Variants in PIWIL4 observed in about 807,000 individuals in gnomAD.
The protein encoded by PIWIL4 is piwi like RNA-mediated gene silencing 4, also known as piwi-like protein 4.
PIWIL4 carries 50 observed loss-of-function variants against 100.9 expected under a neutral mutation model. The ratio of observed to expected loss-of-function variants is 0.50; its 90% CI spans 0.39 to 0.63. The LOEUF (loss-of-function observed/expected upper bound fraction) is 0.63, where lower values mean the gene tolerates loss of function less well. Ranked by LOEUF, PIWIL4 falls within the 20% of genes least tolerant of loss-of-function variation. The pLI, the probability that PIWIL4 is intolerant of heterozygous loss-of-function variation, is 0.00. For synonymous variants in PIWIL4, 342 were observed against 367.5 expected (o/e 0.93, Z 0.79); for missense variants, 887 against 1,043.3 (o/e 0.85, Z 2.06).
intron 1 of PIWIL4, 116 bp from the exon 2 acceptor site, chr11:94,568,614 A>G: frequency 1.4e-6 from 1 of 728,268 alleles, no homozygotes; most frequent in Non-Finnish European, 2.4e-6. Flanking sequence ...TTACCTGTTA[A>G]CATTTTCTTT....
chr11:94,608,887 A>C (rs1948756741), intron 15 of PIWIL4, among the ~76,000 whole-genome samples: 1 of 152,230 alleles, frequency 6.6e-6, no homozygotes, highest in Non-Finnish European at 1.5e-5. Flanking sequence ...AAAATCTTTT[A>C]TATATTCATT....
intron 11 of PIWIL4, 87 bp downstream of exon 11, chr11:94,598,002 T>C: frequency 2.0e-6 from 2 of 1,009,188 alleles, no homozygotes. Flanking sequence ...CTTGTGTGCT[T>C]ATAATATTTG....
intron 4 of PIWIL4, 26 bp from the exon 5 acceptor site, chr11:94,583,422 G>A (rs1348448423): frequency 3.7e-6 from 6 of 1,611,402 alleles, no homozygotes; most frequent in Non-Finnish European, 4.2e-6. Flanking sequence ...TTTGTAGGGT[G>A]CATATTAAGT....
At position 94,619,778 on chromosome 11, in the gene PIWIL4, T is replaced by A; in HGVS notation, c.2187T>A (p.Ile729=). ...SSNTSSRLSV[I]VVRKKCMPRF... Reference sequence around the variant, plus strand: ...TTTTTAGCTCAAGACTGTCGGTGATTGTGGTCAGGAAGAAGTGCATGCCAC... The same window carrying A: ...TTTTTAGCTCAAGACTGTCGGTGATAGTGGTCAGGAAGAAGTGCATGCCAC... Residue 729 remains isoleucine, a synonymous_variant, in exon 18 of 20, where the codon ATT becomes ATA. Coordinates refer to ENST00000299001, the MANE Select transcript of PIWIL4 (RefSeq NM_152431.3). The A allele has an allele frequency of 6.2e-7, 1 of 1,614,072 alleles. No homozygotes were observed. Among genetic ancestry groups the A allele is most frequent in the South Asian group, 1.1e-5 (1 of 91,054 alleles).
In PIWIL4 at chr11:94,574,986, C is replaced by T; in HGVS notation, c.167-13C>T. Reference sequence around the variant, plus strand: ...GAAATATTAGCTGTTACCACATTCTCTTCATGTTTTAGATAAATATGGGAT... The same window carrying T: ...GAAATATTAGCTGTTACCACATTCTTTTCATGTTTTAGATAAATATGGGAT... On this transcript the variant is annotated splice_polypyrimidine_tract_variant and intron_variant, in intron 2 of 19. Coordinates refer to ENST00000299001, the MANE Select transcript of PIWIL4 (RefSeq NM_152431.3). 6.2e-7 allele frequency: 1 copy of T among 1,609,964 alleles called. No individual in the cohort carries two copies. Among genetic ancestry groups the T allele is most frequent in the Non-Finnish European group, 8.5e-7 (1 of 1,176,846 alleles).
At chr11:94,597,661 C>T (rs1441636140) in intron 10 of PIWIL4, 143 bp from the exon 11 acceptor site, 4 of 592,510 alleles carry the variant, frequency 6.8e-6, no homozygotes, top group African/African-American at 1.9e-5. Context: ...ACAGTTGTCC[C>T]GTAATTCTTT....
chr11:94,614,311 T>C (rs1948820704), intron 15 of PIWIL4, among the ~76,000 whole-genome samples: 1 of 148,902 alleles, frequency 6.7e-6, no homozygotes, highest in South Asian at 2.1e-4. Flanking sequence ...TTTTTTTTTT[T>C]TTTTTTCCTT....
rs117359290 is a variant in PIWIL4, at chr11:94,614,758, C to T, written c.1944-1735C>T. Among the ~76,000 whole-genome samples the T allele has an allele frequency of 3.3e-5, 5 of 152,268 alleles. No individual in the cohort carries two copies. In the East Asian group the frequency reaches 7.7e-4, roughly 24 times the overall value. On this transcript the variant is annotated intron_variant, in intron 15 of 19. Coordinates refer to ENST00000299001, the MANE Select transcript of PIWIL4 (RefSeq NM_152431.3). ...CTAGGGATTCTGAGGCTCTCTTACACGTTTTCTATTCATGTGCCCACTCCA... is the reference window on the plus strand; with the variant it reads ...CTAGGGATTCTGAGGCTCTCTTACATGTTTTCTATTCATGTGCCCACTCCA...
At position 94,601,334 on chromosome 11, in the gene PIWIL4, C is replaced by G. The variant is rs575225444; in HGVS notation, c.1381-461C>G. Among the ~76,000 whole-genome samples, 6 of 149,326 alleles carry G rather than the reference C, an allele frequency of 4.0e-5. No homozygotes were observed. In the South Asian group the frequency reaches 1.3e-3, roughly 32 times the overall value. On this transcript the variant is annotated intron_variant, in intron 11 of 19. Transcript: ENST00000299001. ...TTGGGGTCCCTGACTTCTTGCAACACTTAACTGTTCTGTAGGGTGTGTTAG... is the reference window on the plus strand; with the variant it reads ...TTGGGGTCCCTGACTTCTTGCAACAGTTAACTGTTCTGTAGGGTGTGTTAG...
intron 5 of PIWIL4, 118 bp from the exon 6 acceptor site, chr11:94,585,327 G>C: frequency 1.5e-6 from 1 of 645,446 alleles, no homozygotes; most frequent in Non-Finnish European, 2.6e-6. Flanking sequence ...AGTCCTGTGA[G>C]AATGAGAGGT....
chr11:94,588,152 C>T lies in PIWIL4; in HGVS notation c.914+905C>T, dbSNP rs549004201. On this transcript the variant is annotated intron_variant, in intron 7 of 19. Coordinates refer to ENST00000299001, the MANE Select transcript of PIWIL4 (RefSeq NM_152431.3). ...AGAGGCCCCAGCGTGTGTTTTTCCC[C>T]TCCTCGTGTCCATGTGTTCTCATTG... 1.3e-3 allele frequency among the ~76,000 whole-genome samples: 200 copies of T among 152,096 alleles called. 2 individuals are homozygous for T. The highest frequency in any genetic ancestry group is 4.5e-3 in the African/African-American group (188 of 41,476).
chr11:94,620,099 G>A lies in PIWIL4; in HGVS notation c.2397G>A (p.Met799Ile). 1 of 1,612,360 alleles carries A rather than the reference G, an allele frequency of 6.2e-7. No individual in the cohort carries two copies. Among genetic ancestry groups the A allele is most frequent in the Non-Finnish European group, 8.5e-7 (1 of 1,179,272 alleles). The change falls in exon 19 of 20, where the codon ATG becomes ATA. Residue 799 changes from methionine to isoleucine, a missense_variant. By Grantham distance (10) the Met-to-Ile change is conservative (BLOSUM62 1). Around this residue, in one of 2 missense-constraint regions of PIWIL4, gnomAD observed 741 missense variants for 930.0 expected, o/e 0.80. Transcript: ENST00000299001. ...ACAACGGCTTGAAGCCCGACCATAT[G>A]CAGAGACTTACATTCAAATTGTGCC... ...YDDNGLKPDH[M>I]QRLTFKLCHL...
intron 3 of PIWIL4, among the ~76,000 whole-genome samples, chr11:94,575,673 G>A (rs1015648801): frequency 1.3e-5 from 2 of 152,102 alleles, no homozygotes; most frequent in African/African-American, 4.8e-5. Flanking sequence ...TTATTATCCA[G>A]CATACACACA....
chr11:94,598,190 G>A (rs777271914), intron 11 of PIWIL4, among the ~76,000 whole-genome samples: 8 of 152,172 alleles, frequency 5.3e-5, no homozygotes, highest in Non-Finnish European at 1.2e-4. Flanking sequence ...GTTGGGTGGT[G>A]CATTGCTCTT....
intron 11 of PIWIL4, among the ~76,000 whole-genome samples, chr11:94,598,272 T>TATTA (rs1441513129): frequency 6.6e-6 from 1 of 152,236 alleles, no homozygotes; most frequent in Non-Finnish European, 1.5e-5. Context: ...GATTGTTTTC[T>TATTA]GATACCAAAA....
intron 15 of PIWIL4, among the ~76,000 whole-genome samples, chr11:94,615,185 C>G (rs74961968): frequency 1.9e-3 from 289 of 152,280 alleles, no homozygotes; most frequent in African/African-American, 6.6e-3. Flanking sequence ...AACCTCCCAG[C>G]TGTGCTGATA....
At chr11:94,596,766 C>T (rs749508434) in intron 10 of PIWIL4, among the ~76,000 whole-genome samples, 2 of 152,268 alleles carry the variant, frequency 1.3e-5, no homozygotes, top group Non-Finnish European at 2.9e-5. Flanking sequence ...CATTTCCTGA[C>T]CAATGATGGC....
chr11:94,598,439 A>G (rs1054079631), intron 11 of PIWIL4, among the ~76,000 whole-genome samples: 9 of 152,178 alleles, frequency 5.9e-5, no homozygotes, highest in Non-Finnish European at 7.3e-5. Flanking sequence ...GTACTTGGGG[A>G]GAGAGGCATT....
intron 7 of PIWIL4, 49 bp downstream of exon 7, chr11:94,587,296 T>C: frequency 1.3e-6 from 2 of 1,545,184 alleles, no homozygotes; most frequent in Non-Finnish European, 1.8e-6. Context: ...CAATCATTGA[T>C]GGTATTTGGG....
Sources: gnomAD v4.1 joint callset for allele counts (sites outside exome capture counted in the v4.1 genomes callset) on GRCh38, gnomAD v4.1.1 for gene constraint, gnomAD v4.1.1 regional missense constraint, MANE v1.5 for transcripts, NCBI Gene and HGNC (gene_info 2026-07-23, HGNC 2026-07-21) for gene names.